The following SPATA18 variants were observed in gnomAD, a reference collection of about 807,000 sequenced individuals.
The protein encoded by SPATA18 is spermatogenesis associated 18, also known as mitochondria-eating protein.
Under a neutral mutation model 68.1 loss-of-function variants are expected in SPATA18, and 54 were observed. The ratio of observed to expected loss-of-function variants is 0.79; its 90% CI spans 0.64 to 0.99. SPATA18 has a LOEUF of 0.99. Ranked by LOEUF, SPATA18 falls within the 50% of genes least tolerant of loss-of-function variation. The probability of loss-of-function intolerance (pLI) is 0.00; values close to 1 mark genes in which losing one functional copy is unlikely to be tolerated. For missense variants in SPATA18, 724 were observed against 681.1 expected, an observed-to-expected ratio of 1.06 and a Z score of -0.70; for synonymous variants, 242 against 244.8, an observed-to-expected ratio of 0.99 and a Z score of 0.11.
intron 4 of SPATA18, among the ~76,000 whole-genome samples, chr4:52,067,984 TG>T (rs1184799211): frequency 6.6e-6 from 1 of 152,206 alleles, no homozygotes; most frequent in Non-Finnish European, 1.5e-5. Flanking sequence ...TTAAAACAAT[TG>T]TTAGCATATG....
At chr4:52,085,748 T>C (rs1339571372) in intron 11 of SPATA18, among the ~76,000 whole-genome samples, 3 of 151,716 alleles carry the variant, frequency 2.0e-5, no homozygotes, top group Admixed American at 6.6e-5. Context: ...TAACAAAAAA[T>C]TCCCCCCCAA....
At chr4:52,072,286 A>G in intron 6 of SPATA18, 130 bp downstream of exon 6, 1 of 1,400,412 alleles carries the variant, frequency 7.1e-7, no homozygotes, top group Non-Finnish European at 9.6e-7. Context: ...CCAAGCTTTG[A>G]ATTGTAAAGG....
At chr4:52,080,984 A>C (rs573443966) in intron 9 of SPATA18, among the ~76,000 whole-genome samples, 3 of 152,338 alleles carry the variant, frequency 2.0e-5, no homozygotes, top group South Asian at 4.1e-4. Flanking sequence ...GCCTTATAGC[A>C]TGTAATATTT....
intron 1 of SPATA18, among the ~76,000 whole-genome samples, chr4:52,058,088 T>C (rs1738504786): frequency 6.6e-6 from 1 of 152,180 alleles, no homozygotes; most frequent in African/African-American, 2.4e-5. Context: ...AGGTATAAAA[T>C]GGCCAGGGCA....
intron 11 of SPATA18, 47 bp downstream of exon 11, chr4:52,085,046 G>T (rs1228928974): frequency 3.0e-6 from 4 of 1,348,532 alleles, no homozygotes; most frequent in Non-Finnish European, 4.0e-6. Flanking sequence ...TCTATGGTTG[G>T]CTTTTTTTTT....
intron 9 of SPATA18, among the ~76,000 whole-genome samples, chr4:52,080,492 A>G (rs1198922679): frequency 5.3e-5 from 8 of 152,180 alleles, no homozygotes; most frequent in Non-Finnish European, 2.9e-5. Context: ...TATAAATTAA[A>G]ATACATTAAA....
Position 52,079,635 on chromosome 4 carries a change from T to A in SPATA18, c.1180-109T>A, listed in dbSNP as rs1578186471. 2.3e-6 allele frequency: 3 copies of A among 1,278,260 alleles called. No individual in the cohort carries two copies. The East Asian group carries it at 7.0e-5, about 30-fold the overall frequency. 79.2% of individuals were successfully genotyped at this position (1,278,260 alleles called of 1,614,324 possible). On this transcript the variant is annotated intron_variant, in intron 8 of 12. Transcript: ENST00000295213. ...CACTGTTTTTCTGCTTTAACTTGCTTTGGCTCACATTCTCTTTTCCCACCT... is the reference window on the plus strand; with the variant it reads ...CACTGTTTTTCTGCTTTAACTTGCTATGGCTCACATTCTCTTTTCCCACCT...
At chr4:52,062,404 G>A (rs1207910919) in intron 4 of SPATA18, 72 bp downstream of exon 4, 1 of 1,032,196 alleles carries the variant, frequency 9.7e-7, no homozygotes, top group South Asian at 1.4e-5. Context: ...AATTCGAAAG[G>A]AGAATAATGG....
chr4:52,067,813 C>G (rs1268115668), intron 4 of SPATA18, among the ~76,000 whole-genome samples: 1 of 152,198 alleles, frequency 6.6e-6, no homozygotes, highest in Non-Finnish European at 1.5e-5. Flanking sequence ...ATCTCCCCAA[C>G]TAGCCTGGAA....
chr4:52,070,973 C>T (rs1739789508), intron 5 of SPATA18, among the ~76,000 whole-genome samples: 1 of 151,998 alleles, frequency 6.6e-6, no homozygotes, highest in East Asian at 1.9e-4. Context: ...GTCAGGAACA[C>T]CCACAAATCT....
At position 52,096,131 on chromosome 4, in the gene SPATA18, T is replaced by G. The variant is rs1190552379; in HGVS notation, c.*1244T>G. 1 of 152,204 alleles carries G rather than the reference T, an allele frequency of 6.6e-6. No homozygotes were observed. The highest frequency in any genetic ancestry group is 1.9e-4 in the East Asian group (1 of 5,196). The allele number at this position is 152,204 out of a possible 1,614,324, so 9.4% of individuals were successfully genotyped here. A position where few individuals can be genotyped will look rare whatever the true frequency, so the allele number is the denominator to read the frequency against. ...AGCATCTTACCCCTGTGCTGGAGGT[T>G]TGAGGGACCTCTTCAGTGCCTGCCC... On this transcript the variant is annotated 3_prime_UTR_variant, in exon 13 of 13. Transcript: ENST00000295213.
In SPATA18 at chr4:52,079,752, C is replaced by T. The variant is rs775304394; in HGVS notation, c.1188C>T (p.Ile396=). 1.9e-6 allele frequency: 3 copies of T among 1,613,772 alleles called. No individual in the cohort carries two copies. Among genetic ancestry groups the T allele is most frequent in the Non-Finnish European group, 2.5e-6 (3 of 1,179,818 alleles). ...YDSQSSVNDV[I]RAMNVNPKIS... is the part of the protein sequence containing the mutation. ...CATCTTTTGTTTTTCAGGATGTGAT[C>T]CGAGCCATGAATGTCAATCCCAAGA... Residue 396 remains isoleucine, a synonymous_variant, in exon 9 of 13, where the codon ATC becomes ATT. Transcript: ENST00000295213.
chr4:52,085,022 T>G (rs1305014189), intron 11 of SPATA18, 23 bp downstream of exon 11: 7 of 1,572,478 alleles, frequency 4.5e-6, no homozygotes, highest in Non-Finnish European at 6.1e-6. Flanking sequence ...CTAATCATTT[T>G]TACACAAAAT....
intron 5 of SPATA18, among the ~76,000 whole-genome samples, chr4:52,071,123 T>C (rs1358082580): frequency 2.6e-5 from 4 of 152,224 alleles, no homozygotes; most frequent in Admixed American, 2.6e-4. Flanking sequence ...ATTCTGTTCT[T>C]TACTGTTTGT....
At chr4:52,081,799 C>T (rs932276954) in intron 9 of SPATA18, among the ~76,000 whole-genome samples, 3 of 150,562 alleles carry the variant, frequency 2.0e-5, no homozygotes, top group South Asian at 2.1e-4. Flanking sequence ...TTGTTCCAGC[C>T]TGTTGAGCTG....
intron 1 of SPATA18, 124 bp downstream of exon 1, chr4:52,051,915 A>G: frequency 1.2e-6 from 1 of 828,720 alleles, no homozygotes; most frequent in Non-Finnish European, 2.0e-6. Context: ...TGCGATTCCT[A>G]ACCAGGATCT....
At chr4:52,093,844 T>C (rs1742188168) in intron 11 of SPATA18, among the ~76,000 whole-genome samples, 1 of 152,234 alleles carries the variant, frequency 6.6e-6, no homozygotes, top group African/African-American at 2.4e-5. Flanking sequence ...AAGGTATCAC[T>C]GCAGTCAACT....
intron 10 of SPATA18, chr4:52,083,143 G>A (rs1307291839): frequency 2.0e-6 from 2 of 985,058 alleles, no homozygotes; most frequent in Non-Finnish European, 2.4e-6. Context: ...GTGTGTACGT[G>A]TTGTACTGGG....
chr4:52,056,503 GTA>G (rs1318371533), intron 1 of SPATA18, among the ~76,000 whole-genome samples: 3 of 152,154 alleles, frequency 2.0e-5, no homozygotes, highest in African/African-American at 7.2e-5. Flanking sequence ...TAGGTGATCA[GTA>G]ATTATTAGGT....
Sources: allele counts gnomAD v4.1 joint callset (sites outside exome capture counted in the v4.1 genomes callset), GRCh38; gene constraint gnomAD v4.1.1; transcripts MANE v1.5; gene names NCBI Gene and HGNC (gene_info 2026-07-23, HGNC 2026-07-21).